Variants in SAMMSON observed in about 807,000 individuals in gnomAD.
SAMMSON encodes long intergenic non-protein coding RNA 1212.
At chr3:70,405,825 A>G (rs7610382) in intron 2 of SAMMSON, among the ~76,000 whole-genome samples, 53,794 of 152,054 alleles carry the variant, frequency 0.35, 10,288 homozygotes, top group Admixed American at 0.43. Flanking sequence ...TGAGACTATA[A>G]GCCCACAAAG....
chr3:70,067,615 A>G (rs1263735155), intron 3 of SAMMSON, among the ~76,000 whole-genome samples: 1 of 152,126 alleles, frequency 6.6e-6, no homozygotes, highest in Non-Finnish European at 1.5e-5. Context: ...AATGAGGAAG[A>G]TGTCTGAGAG....
At chr3:70,180,034 A>G (rs34978459) in intron 4 of SAMMSON, among the ~76,000 whole-genome samples, 88,003 of 150,100 alleles carry the variant, frequency 0.59, 26,234 homozygotes, top group Non-Finnish European at 0.62. Flanking sequence ...GTGTGCGCGC[A>G]CGTGTGTGTG....
At chr3:70,034,158 G>A (rs2067076747) in intron 3 of SAMMSON, among the ~76,000 whole-genome samples, 1 of 152,090 alleles carries the variant, frequency 6.6e-6, no homozygotes, top group South Asian at 2.1e-4. Context: ...AAGCTGGGCC[G>A]TCTGTTTGAG....
chr3:70,326,773 T>TA (rs1314078020), intron 7 of SAMMSON, among the ~76,000 whole-genome samples: 13 of 152,314 alleles, frequency 8.5e-5, no homozygotes, highest in Admixed American at 3.9e-4. Context: ...GAGAATTACA[T>TA]GATGATAGCA....
intron 4 of SAMMSON, among the ~76,000 whole-genome samples, chr3:70,199,705 A>G (rs1349040347): frequency 6.6e-6 from 1 of 152,188 alleles, no homozygotes; most frequent in African/African-American, 2.4e-5. Context: ...CAACTGTTTG[A>G]AAAGAGCGTT....
chr3:70,244,106 C>T lies in SAMMSON; in HGVS notation n.508-5001C>T, dbSNP rs114932189. On this transcript the variant is annotated intron_variant and non_coding_transcript_variant, in intron 4 of 9. Transcript: ENST00000642114. ...CCTAACCTCCCTGCTCTTCGGTTTC[C>T]CCCACTGGTTTTCTTTGGCTCAAAT... Among the ~76,000 whole-genome samples, 1,285 of 152,256 alleles carry T rather than the reference C, an allele frequency of 8.4e-3. 20 individuals carry two copies. Among genetic ancestry groups the T allele is most frequent in the African/African-American group, 0.029 (1,210 of 41,542 alleles).
intron 6 of SAMMSON, among the ~76,000 whole-genome samples, chr3:70,290,966 C>G (rs1702232357): frequency 6.6e-6 from 1 of 152,118 alleles, no homozygotes; most frequent in African/African-American, 2.4e-5. Context: ...GTCTGGCACT[C>G]CCTAGTGAGA....
At chr3:70,420,871 A>C (rs966588987) in intron 2 of SAMMSON, among the ~76,000 whole-genome samples, 6 of 152,170 alleles carry the variant, frequency 3.9e-5, no homozygotes, top group Non-Finnish European at 8.8e-5. Context: ...TAAATTCGAA[A>C]GTGTAGAGTG....
At chr3:70,074,226 C>G (rs982842999) in intron 4 of SAMMSON, among the ~76,000 whole-genome samples, 1 of 151,984 alleles carries the variant, frequency 6.6e-6, no homozygotes, top group South Asian at 2.1e-4. Context: ...ATATAAAAAC[C>G]ATTTTCAATA....
intron 7 of SAMMSON, among the ~76,000 whole-genome samples, chr3:70,298,236 C>G (rs1024717896): frequency 1.3e-5 from 2 of 152,038 alleles, no homozygotes; most frequent in East Asian, 3.9e-4. Context: ...TTAATCTGAT[C>G]ATAGTTGATT....
At chr3:70,261,914 C>T (rs1344075532) in intron 6 of SAMMSON, among the ~76,000 whole-genome samples, 1 of 152,060 alleles carries the variant, frequency 6.6e-6, no homozygotes, top group Non-Finnish European at 1.5e-5. Context: ...TGTTTCATAC[C>T]TTACCATAAA....
chr3:70,340,208 CAG>C (rs1368822957), intron 7 of SAMMSON, among the ~76,000 whole-genome samples: 3 of 129,390 alleles, frequency 2.3e-5, no homozygotes, highest in Non-Finnish European at 4.6e-5. Flanking sequence ...CACTTGGACA[CAG>C]GGTGGGGAAC....
intron 4 of SAMMSON, among the ~76,000 whole-genome samples, chr3:70,108,441 T>A (rs111600709): frequency 8.2e-5 from 12 of 146,396 alleles, no homozygotes; most frequent in African/African-American, 3.1e-4. Context: ...TTTTTTTTTT[T>A]ATCATAACTC....
intron 2 of SAMMSON, among the ~76,000 whole-genome samples, chr3:70,423,992 T>A (rs1390569453): frequency 6.6e-6 from 1 of 152,220 alleles, no homozygotes; most frequent in East Asian, 1.9e-4. Flanking sequence ...GGTGATTTTA[T>A]AACTCTATAG....
chr3:70,213,930 G>A (rs1357725036), intron 4 of SAMMSON, among the ~76,000 whole-genome samples: 1 of 152,046 alleles, frequency 6.6e-6, no homozygotes, highest in Non-Finnish European at 1.5e-5. Flanking sequence ...AAGATTTCTT[G>A]ACATTGAGAA....
chr3:70,256,723 G>A (rs149603932), intron 6 of SAMMSON, among the ~76,000 whole-genome samples: 1 of 152,268 alleles, frequency 6.6e-6, no homozygotes, highest in African/African-American at 2.4e-5. Context: ...GGCATTACTG[G>A]CCTTCTAGGT....
intron 9 of SAMMSON, among the ~76,000 whole-genome samples, chr3:70,368,294 A>G (rs1456696012): frequency 6.6e-6 from 1 of 151,506 alleles, no homozygotes; most frequent in African/African-American, 2.4e-5. Flanking sequence ...GTTTTTAATG[A>G]TATTAAAAAC....
In SAMMSON at chr3:70,296,305, C is replaced by A. The variant is rs532382561; in HGVS notation, n.739+5062C>A. 1.1e-4 allele frequency among the ~76,000 whole-genome samples: 16 copies of A among 152,180 alleles called. No homozygotes were observed. The South Asian group carries it at 3.3e-3, about 32-fold the overall frequency. On this transcript the variant is annotated intron_variant and non_coding_transcript_variant, in intron 7 of 9. Coordinates refer to ENST00000642114, the Ensembl canonical transcript of SAMMSON. ...CTATGTTTTGTTTCCCTTTCCAAATCAGTTTATTGTCTTACTAAGTAAGAG... is the reference window on the plus strand; with the variant it reads ...CTATGTTTTGTTTCCCTTTCCAAATAAGTTTATTGTCTTACTAAGTAAGAG...
downstream of SAMMSON, among the ~76,000 whole-genome samples, chr3:70,393,248 C>G (rs776962358): frequency 1.3e-5 from 2 of 152,162 alleles, no homozygotes; most frequent in Non-Finnish European, 2.9e-5. Flanking sequence ...ATTCACATCA[C>G]AAAACTCAAC....
Sources: allele counts gnomAD v4.1 joint callset (sites outside exome capture counted in the v4.1 genomes callset), GRCh38; gene constraint gnomAD v4.1.1; transcripts MANE v1.5; gene names NCBI Gene and HGNC (gene_info 2026-07-23, HGNC 2026-07-21).